DENND1B: variants seen among roughly 807,000 people sequenced by gnomAD.
The protein encoded by DENND1B is DENN domain containing 1B.
A neutral mutation model predicts 90.1 loss-of-function variants in DENND1B; 59 were observed. That is an observed-to-expected ratio of 0.65 (90% confidence interval 0.53 to 0.81). DENND1B has a LOEUF of 0.81. DENND1B is among the 40% of genes least tolerant of loss of function. DENND1B has a pLI of 0.00. For missense variants in DENND1B, 862 were observed against 912.6 expected, an observed-to-expected ratio of 0.94 and a Z score of 0.71; for synonymous variants, 337 against 324.6, an observed-to-expected ratio of 1.04 and a Z score of -0.41.
intron 5 of DENND1B, among the ~76,000 whole-genome samples, chr1:197,666,538 C>T (rs1040749672): frequency 6.6e-6 from 1 of 152,144 alleles, no homozygotes; most frequent in Non-Finnish European, 1.5e-5. Flanking sequence ...ATGTCTATGT[C>T]TTGCTTATGC....
chr1:197,524,659 T>C (rs148590014), intron 20 of DENND1B, among the ~76,000 whole-genome samples: 252 of 152,234 alleles, frequency 1.7e-3, no homozygotes, highest in Non-Finnish European at 3.2e-3. Flanking sequence ...TCTTGAAAGC[T>C]CTAGATCAGC....
At chr1:197,516,499 A>G (rs776480090) in intron 20 of DENND1B, among the ~76,000 whole-genome samples, 15 of 151,790 alleles carry the variant, frequency 9.9e-5, no homozygotes, top group Non-Finnish European at 2.1e-4. Flanking sequence ...AGTAGAGATA[A>G]TCTGGGTCCA....
rs1268891047 is a variant in DENND1B, at chr1:197,542,926, TTTA to T, written c.1351-1914_1351-1912del. ...CCAGAGTAGAAACCTTTTTTATTTA[TTTA>T]TTTATTTATTTATTTTTTTCCCTGA... On this transcript the variant is annotated intron_variant, in intron 18 of 22. Coordinates refer to ENST00000620048, the MANE Select transcript of DENND1B (RefSeq NM_001195215.2). Among the ~76,000 whole-genome samples the T allele has an allele frequency of 5.9e-3, 896 of 151,610 alleles. 13 individuals are homozygous for T. Among genetic ancestry groups the T allele is most frequent in the African/African-American group, 0.02 (838 of 41,396 alleles).
rs186480550 is a variant in DENND1B at position 197,696,006 on chromosome 1, T to C, written c.126+19025A>G. 2.6e-5 allele frequency among the ~76,000 whole-genome samples: 4 copies of C among 151,478 alleles called. 1 individual carries two copies. Among genetic ancestry groups the C allele is most frequent in the African/African-American group, 9.6e-5 (4 of 41,498 alleles). ...TTACTAATAAAACAGGCATTCTTCC[T>C]AAACTATGCAGACCTTAACTCCTAC... On this transcript the variant is annotated intron_variant, in intron 3 of 22. Transcript: ENST00000620048.
intron 5 of DENND1B, among the ~76,000 whole-genome samples, chr1:197,662,300 T>A (rs1020671345): frequency 6.6e-6 from 1 of 152,006 alleles, no homozygotes; most frequent in Admixed American, 6.6e-5. Flanking sequence ...GTTAAAACAA[T>A]TGGAAGTGCA....
chr1:197,720,933 G>C (rs752833345), intron 2 of DENND1B, among the ~76,000 whole-genome samples: 65 of 152,090 alleles, frequency 4.3e-4, no homozygotes, highest in Non-Finnish European at 7.9e-4. Flanking sequence ...TTAACCTATA[G>C]ATGACAATAT....
chr1:197,666,248 T>TA (rs1654927015), intron 5 of DENND1B, among the ~76,000 whole-genome samples: 1 of 152,342 alleles, frequency 6.6e-6, no homozygotes, highest in African/African-American at 2.4e-5. Context: ...AAAGCCACTG[T>TA]AGCTTTTTCA....
At chr1:197,703,555 CT>C (rs1204193163) in intron 3 of DENND1B, among the ~76,000 whole-genome samples, 10 of 152,152 alleles carry the variant, frequency 6.6e-5, no homozygotes, top group Admixed American at 2.0e-4. Context: ...ATCATTTTGA[CT>C]TTGCAGACCT....
intron 2 of DENND1B, among the ~76,000 whole-genome samples, chr1:197,754,637 G>C (rs1654017870): frequency 8.9e-6 from 1 of 112,922 alleles, no homozygotes; most frequent in Non-Finnish European, 1.7e-5. Flanking sequence ...TCTAGCCTGG[G>C]CAACAATGCG....
intron 13 of DENND1B, among the ~76,000 whole-genome samples, chr1:197,597,699 C>T (rs1313931785): frequency 6.6e-6 from 1 of 151,820 alleles, no homozygotes; most frequent in Non-Finnish European, 1.5e-5. Flanking sequence ...CAAACCAAAT[C>T]ATAAATATGC....
At chr1:197,645,852 G>A (rs909719833) in intron 8 of DENND1B, 109 bp from the exon 9 acceptor site, 2 of 633,300 alleles carry the variant, frequency 3.2e-6, no homozygotes, top group South Asian at 3.2e-5. Context: ...AAAATGCCAT[G>A]GACTGACATT....
intron 15 of DENND1B, among the ~76,000 whole-genome samples, chr1:197,559,976 C>A (rs1374422834): frequency 6.6e-6 from 1 of 151,706 alleles, no homozygotes. Flanking sequence ...TATTTTTATG[C>A]CATTAGGTAA....
chr1:197,512,454 A>C (rs1399151482), intron 21 of DENND1B, among the ~76,000 whole-genome samples: 4 of 151,720 alleles, frequency 2.6e-5, no homozygotes, highest in African/African-American at 4.8e-5. Context: ...ATTAATTTTT[A>C]ACACTTTTTA....
rs182121908 is a variant in DENND1B at position 197,718,869 on chromosome 1, A to C, written c.83-3795T>G. 2.1e-3 allele frequency among the ~76,000 whole-genome samples: 326 copies of C among 152,302 alleles called. 1 individual carries two copies. The highest frequency in any genetic ancestry group is 7.6e-3 in the African/African-American group (315 of 41,574). ...AGAGGGAGACAATGTCTAGAGATAA[A>C]GCTGGATTGGCAAGGGAAGCCACTG... is the stretch of plus-strand genomic sequence containing the variant. On this transcript the variant is annotated intron_variant, in intron 2 of 22. Coordinates refer to ENST00000620048, the MANE Select transcript of DENND1B (RefSeq NM_001195215.2).
chr1:197,719,017 G>C (rs1261403055), intron 2 of DENND1B, among the ~76,000 whole-genome samples: 1 of 152,066 alleles, frequency 6.6e-6, no homozygotes, highest in Non-Finnish European at 1.5e-5. Context: ...TCAAACAAAT[G>C]CTGCAACACA....
At chr1:197,756,091 T>A (rs1195527824) in intron 2 of DENND1B, among the ~76,000 whole-genome samples, 1 of 152,200 alleles carries the variant, frequency 6.6e-6, no homozygotes, top group Non-Finnish European at 1.5e-5. Flanking sequence ...ACCAATGGCA[T>A]CAGGCTAGTT....
chr1:197,736,183 A>G, intron 2 of DENND1B: 1 of 487,746 alleles, frequency 2.1e-6, no homozygotes, highest in Non-Finnish European at 3.8e-6. Context: ...GAATACTGCA[A>G]AACAACCCAC....
At chr1:197,577,688 T>C (rs1673807477) in intron 15 of DENND1B, among the ~76,000 whole-genome samples, 1 of 152,218 alleles carries the variant, frequency 6.6e-6, no homozygotes, top group South Asian at 2.1e-4. Context: ...AGCTGCTAGC[T>C]AAAGAAAGAC....
intron 20 of DENND1B, among the ~76,000 whole-genome samples, chr1:197,521,733 T>G (rs767535419): frequency 2.6e-5 from 4 of 152,072 alleles, no homozygotes; most frequent in Non-Finnish European, 5.9e-5. Flanking sequence ...AAAAGATGTG[T>G]TTTAATTTGT....
Sources: allele counts gnomAD v4.1 joint callset (sites outside exome capture counted in the v4.1 genomes callset), GRCh38; gene constraint gnomAD v4.1.1; transcripts MANE v1.5; gene names NCBI Gene and HGNC (gene_info 2026-07-23, HGNC 2026-07-21).